TLL2: variants seen among roughly 807,000 people sequenced by gnomAD.
The protein encoded by TLL2 is tolloid like 2.
TLL2 carries 106 observed loss-of-function variants against 123.0 expected under a neutral mutation model. The observed-to-expected ratio is 0.86, with a 90% CI of 0.74 to 1.01. The LOEUF is 1.01. TLL2 is among the 50% of genes least tolerant of loss of function. The pLI is 0.00. For synonymous variants in TLL2, 494 were observed against 516.8 expected, an observed-to-expected ratio of 0.96 and a Z score of 0.60; for missense variants, 1,332 against 1,336.7, an observed-to-expected ratio of 1.00 and a Z score of 0.06.
chr10:96,496,482 A>G (rs868356660), intron 1 of TLL2, among the ~76,000 whole-genome samples: 1 of 152,218 alleles, frequency 6.6e-6, no homozygotes. Context: ...GCTTCTCAAG[A>G]GAACACACAG....
rs1846615398 is a variant in TLL2, at chr10:96,421,018, G to C, written c.861C>G (p.Ser287Arg). The stretch of plus-strand genomic sequence containing the variant: ...CAAAGTCGTATGTCTCTCCCAGAGA[G>C]CTCACTTCCCCAGCTTCCATTTTTA... ...NFLKMEAGEV[S>R]SLGETYDFDS... Residue 287 changes from serine to arginine, a missense_variant, in exon 7 of 21, where the codon AGC (serine) becomes AGG (arginine). By Grantham distance (110) the Ser-to-Arg change is moderately radical. Transcript: ENST00000357947. 1.2e-5 allele frequency: 19 copies of C among 1,614,106 alleles called. No individual in the cohort carries two copies. Among genetic ancestry groups the C allele is most frequent in the Non-Finnish European group, 1.6e-5 (19 of 1,179,988 alleles).
At chr10:96,460,559 A>C (rs1168392556) in intron 2 of TLL2, among the ~76,000 whole-genome samples, 1 of 152,098 alleles carries the variant, frequency 6.6e-6, no homozygotes, top group African/African-American at 2.4e-5. Context: ...TGCTGTTCTC[A>C]TGATAGTGAG....
intron 2 of TLL2, among the ~76,000 whole-genome samples, chr10:96,479,375 C>T (rs1175959465): frequency 1.3e-5 from 2 of 152,236 alleles, no homozygotes; most frequent in Admixed American, 6.5e-5. Flanking sequence ...CCTCATGAAC[C>T]GTGGGAGGTG....
intron 1 of TLL2, among the ~76,000 whole-genome samples, chr10:96,506,251 C>CAAAAAAAAAAAAAAAAA (rs1210970430): frequency 8.2e-5 from 3 of 36,744 alleles, no homozygotes; most frequent in Admixed American, 4.9e-4. Context: ...GACCCCATCT[C>CAAAAAAAAAAAAAAAAA]AAAAAAAAAA....
intron 4 of TLL2, among the ~76,000 whole-genome samples, chr10:96,431,031 T>A (rs943063199): frequency 3.3e-5 from 5 of 152,196 alleles, no homozygotes; most frequent in Admixed American, 1.3e-4. Context: ...CTACTAATTA[T>A]CTAATAACAT....
intron 13 of TLL2, 144 bp from the exon 14 acceptor site, chr10:96,387,222 G>T: frequency 8.4e-7 from 1 of 1,185,380 alleles, no homozygotes; most frequent in Non-Finnish European, 1.2e-6. Flanking sequence ...AGAGTGCCAT[G>T]TCCACCTCTG....
intron 16 of TLL2, among the ~76,000 whole-genome samples, chr10:96,384,135 ACAGAGACC>A (rs1324001585): frequency 6.6e-6 from 1 of 152,154 alleles, no homozygotes; most frequent in African/African-American, 2.4e-5. Flanking sequence ...AGGAGGGGAC[ACAGAGACC>A]CAGAGAAGAA....
chr10:96,420,155 C>T (rs17111842), intron 7 of TLL2, among the ~76,000 whole-genome samples: 47,645 of 152,080 alleles, frequency 0.31, 7,678 homozygotes, highest in Non-Finnish European at 0.36. Context: ...CTGGTTTTAA[C>T]AGGAGACTGA....
intron 10 of TLL2, among the ~76,000 whole-genome samples, chr10:96,399,842 C>T (rs1279211008): frequency 6.6e-6 from 1 of 152,210 alleles, no homozygotes; most frequent in East Asian, 1.9e-4. Context: ...CTTTCACTGC[C>T]TCGTCTCCTA....
intron 7 of TLL2, among the ~76,000 whole-genome samples, chr10:96,414,239 C>T (rs1270696522): frequency 6.6e-6 from 1 of 152,168 alleles, no homozygotes; most frequent in Non-Finnish European, 1.5e-5. Flanking sequence ...CTTGAATCAG[C>T]ATCTCCTCCA....
chr10:96,459,926 A>G (rs1244183212), intron 2 of TLL2, among the ~76,000 whole-genome samples: 1 of 151,520 alleles, frequency 6.6e-6, no homozygotes, highest in Admixed American at 6.6e-5. Flanking sequence ...AAGAAAGTAT[A>G]AGAAAGAAAT....
intron 1 of TLL2, among the ~76,000 whole-genome samples, chr10:96,494,943 C>A (rs982784344): frequency 6.6e-6 from 1 of 152,202 alleles, no homozygotes; most frequent in Non-Finnish European, 1.5e-5. Flanking sequence ...CCTGCCCCAC[C>A]CACTCAGGTG....
At chr10:96,499,989 A>C (rs992814595) in intron 1 of TLL2, among the ~76,000 whole-genome samples, 1 of 151,998 alleles carries the variant, frequency 6.6e-6, no homozygotes, top group African/African-American at 2.4e-5. Context: ...TAAAGGTATA[A>C]AAATCTTTTA....
chr10:96,476,514 G>A lies in TLL2; in HGVS notation c.286+3835C>T, dbSNP rs554688033. ...TGACCTCAAGTGATCCGCCTGCCTC[G>A]GCCTCCCAAAGTGCTCGGATTACAG... On this transcript the variant is annotated intron_variant, in intron 2 of 20. Transcript: ENST00000357947. Among the ~76,000 whole-genome samples the A allele has an allele frequency of 5.4e-4, 82 of 151,244 alleles. 2 individuals carry two copies. The South Asian group carries it at 0.017, about 31-fold the overall frequency.
chr10:96,409,637 A>G (rs1846482229), intron 9 of TLL2, among the ~76,000 whole-genome samples: 1 of 152,188 alleles, frequency 6.6e-6, no homozygotes, highest in Admixed American at 6.5e-5. Context: ...GGTTGAAAAC[A>G]TACCACCCTT....
At chr10:96,377,455 C>G (rs1846148349) in intron 17 of TLL2, among the ~76,000 whole-genome samples, 1 of 152,212 alleles carries the variant, frequency 6.6e-6, no homozygotes, top group Admixed American at 6.5e-5. Flanking sequence ...CAATAGCTGC[C>G]ATTTCTCTTC....
At chr10:96,399,366 G>A (rs1229528382) in intron 10 of TLL2, among the ~76,000 whole-genome samples, 1 of 152,182 alleles carries the variant, frequency 6.6e-6, no homozygotes, top group African/African-American at 2.4e-5. Flanking sequence ...AACCACGTGA[G>A]GCTATGAGCA....
chr10:96,438,326 G>A lies in TLL2; in HGVS notation c.365-5364C>T, dbSNP rs375141325. 8.1e-3 allele frequency among the ~76,000 whole-genome samples: 1,235 copies of A among 152,198 alleles called. 23 individuals carry two copies. The highest frequency in any genetic ancestry group is 0.079 in the South Asian group (378 of 4,810). Reference sequence around the variant, plus strand: ...AATTTTCATCACACAAATCCTGTACGAATTTTGTTAACTGTATATCCAAGT... The same window carrying A: ...AATTTTCATCACACAAATCCTGTACAAATTTTGTTAACTGTATATCCAAGT... On this transcript the variant is annotated intron_variant, in intron 3 of 20. Coordinates refer to ENST00000357947, the MANE Select transcript of TLL2 (RefSeq NM_012465.4).
chr10:96,391,870 AC>A (rs1564897105), intron 13 of TLL2, among the ~76,000 whole-genome samples: 1 of 152,224 alleles, frequency 6.6e-6, no homozygotes, highest in Non-Finnish European at 1.5e-5. Context: ...GCACTAAGTT[AC>A]TTTGGGTGGG....
Sources: gnomAD v4.1 joint callset for allele counts (sites outside exome capture counted in the v4.1 genomes callset) on GRCh38, gnomAD v4.1.1 for gene constraint, MANE v1.5 for transcripts, NCBI Gene and HGNC (gene_info 2026-07-23, HGNC 2026-07-21) for gene names.